Variants in KIF21B observed in about 807,000 individuals in gnomAD.
KIF21B encodes kinesin family member 21B.
KIF21B carries 85 observed loss-of-function variants against 192.9 expected under a neutral mutation model. The observed-to-expected ratio is 0.44, with a 90% CI of 0.37 to 0.53. The LOEUF (loss-of-function observed/expected upper bound fraction) is 0.53. Ranked by LOEUF, KIF21B falls within the 20% of genes least tolerant of loss-of-function variation. The probability of loss-of-function intolerance (pLI) is 0.00; values close to 1 mark genes in which losing one functional copy is unlikely to be tolerated. For synonymous variants in KIF21B, 832 were observed against 884.6 expected, an observed-to-expected ratio of 0.94 and a Z score of 1.05; for missense variants, 1,716 against 2,194.8, an observed-to-expected ratio of 0.78 and a Z score of 4.36.
rs1006440488 is a variant in KIF21B, at chr1:200,988,782, G to C, written c.3282C>G (p.Ile1094Met). ...TACCCGTACCCTGCTGCACATTGTA[G>C]ATGAGGGCCTGCAGCTCGGGGTGAG... ...AEAHPELQAL[I>M]YNVQQENGYA... Residue 1094 changes from isoleucine to methionine, a missense_variant, in exon 22 of 35, where the codon ATC becomes ATG. Ile to Met is a conservative substitution (Grantham distance 10). Transcript: ENST00000461742. 1 of 1,613,640 alleles carries C rather than the reference G, an allele frequency of 6.2e-7. No homozygotes were observed. The highest frequency in any genetic ancestry group is 8.5e-7 in the Non-Finnish European group (1 of 1,179,740).
At chr1:200,991,521 TG>T in intron 17 of KIF21B, 135 bp downstream of exon 17, 1 of 876,944 alleles carries the variant, frequency 1.1e-6, no homozygotes. Flanking sequence ...CTGCCGGCTC[TG>T]GCAGAACTGG....
chr1:200,998,335 G>A lies in KIF21B; in HGVS notation c.2077+49C>T, dbSNP rs765487522. 1 of 1,548,884 alleles carries A rather than the reference G, an allele frequency of 6.5e-7. No individual in the cohort carries two copies. Among genetic ancestry groups the A allele is most frequent in the South Asian group, 1.2e-5 (1 of 85,926 alleles). On this transcript the variant is annotated intron_variant, in intron 14 of 34. Coordinates refer to ENST00000461742, the MANE Select transcript of KIF21B (RefSeq NM_001252102.2). The surrounding 1 kb of genome is among the most constrained non-coding windows in gnomAD (Gnocchi z 4.3). ...TGCTTTTGACAGAGGAGGGGCTCAG[G>A]GAAAAGGGAGGGTCCGGATGGGGTG...
intron 3 of KIF21B, among the ~76,000 whole-genome samples, chr1:201,007,097 C>G (rs1309085884): frequency 2.1e-5 from 3 of 139,732 alleles, no homozygotes; most frequent in Admixed American, 7.0e-5. Flanking sequence ...CAGAGACAGA[C>G]ACACACAGAC....
In KIF21B at chr1:201,017,177, C is replaced by T. The variant is rs189524176; in HGVS notation, c.41+6166G>A. On this transcript the variant is annotated intron_variant, in intron 1 of 34. Coordinates refer to ENST00000461742, the MANE Select transcript of KIF21B (RefSeq NM_001252102.2). This position sits in a 1 kb window ranked among gnomAD's most constrained non-coding sequence, Gnocchi z 4.1. ...TCCTGTTGTCTATGGCCCTCCAGGG[C>T]ATCAGGATCTCAGCCGTGCAGAGGA... is the stretch of plus-strand genomic sequence containing the variant. 6.6e-6 allele frequency among the ~76,000 whole-genome samples: 1 copy of T among 152,282 alleles called. No individual in the cohort carries two copies. The highest frequency in any genetic ancestry group is 1.5e-5 in the Non-Finnish European group (1 of 68,004).
intron 8 of KIF21B, chr1:201,003,211 T>G (rs1657599720): frequency 3.1e-6 from 1 of 319,534 alleles, no homozygotes; most frequent in African/African-American, 2.1e-5. Context: ...GGCCCCTCTA[T>G]CAACGATTCT....
rs200885893 is a variant in KIF21B, at chr1:200,996,255, G to A, written c.2218C>T (p.Arg740Cys). ...EHARLLKNQSRYERELKKLQA... is the reference protein window; with the variant it reads ...EHARLLKNQSCYERELKKLQA... ...AGCTTCTTCAGCTCCCTCTCGTAGC[G>A]CGACTGGTTCTTAAGCAGCCGGGCG... Residue 740 changes from arginine (R) to cysteine (C), a missense_variant, in exon 15 of 35, where the codon CGC becomes TGC. By Grantham distance (180) the Arg-to-Cys change is radical (BLOSUM62 -3). Transcript: ENST00000461742. 104 of 1,613,838 alleles carry A rather than the reference G, an allele frequency of 6.4e-5. 1 individual carries two copies. The highest frequency in any genetic ancestry group is 8.9e-5 in the East Asian group (4 of 44,892).
rs2102494232 is a variant in KIF21B, at chr1:201,023,446, G to A, written c.-63C>T. ...CGGGGGTCTGGGGGCCAATGCCCGA[G>A]GCAGCGGCTGCGGCTGCGGGAGGCG... On this transcript the variant is annotated 5_prime_UTR_variant, in exon 1 of 35. Coordinates refer to ENST00000461742, the MANE Select transcript of KIF21B (RefSeq NM_001252102.2). The surrounding 1 kb of genome is among the most constrained non-coding windows in gnomAD (Gnocchi z 5.9). 2 of 1,242,382 alleles carry A rather than the reference G, an allele frequency of 1.6e-6. No individual in the cohort carries two copies. Among genetic ancestry groups the A allele is most frequent in the East Asian group, 3.2e-5 (1 of 31,438 alleles). The allele number at this position is 1,242,382 out of a possible 1,614,324, so 77.0% of individuals were successfully genotyped here.
intron 15 of KIF21B, among the ~76,000 whole-genome samples, chr1:200,995,559 A>C (rs1657003495): frequency 6.6e-6 from 1 of 152,248 alleles, no homozygotes; most frequent in Non-Finnish European, 1.5e-5. Flanking sequence ...GAGTGGTGGC[A>C]AAGTAGAAAA....
Position 200,998,497 on chromosome 1 carries a change from T to C in KIF21B, c.1964A>G (p.Asn655Ser). Residue 655 changes from asparagine to serine, a missense_variant, in exon 14 of 35, where the codon AAC (asparagine) becomes AGC (serine). Around this residue, in one of 3 missense-constraint regions of KIF21B, gnomAD observed 1,087 missense variants for 1,316.6 expected, o/e 0.83. Transcript: ENST00000461742. The surrounding 1 kb of genome is among the most constrained non-coding windows in gnomAD (Gnocchi z 4.3). ...GAGCGTCTGCAACCGCCGCTGGCTG[T>C]TCTCCAGCTCGTCGATCAGCTTCTG... ...IKQKLIDELE[N>S]SQRRLQTLKH... The C allele has an allele frequency of 2.5e-6, 4 of 1,614,074 alleles. No individual in the cohort carries two copies. Among genetic ancestry groups the C allele is most frequent in the Non-Finnish European group, 3.4e-6 (4 of 1,180,030 alleles).
intron 32 of KIF21B, 104 bp downstream of exon 32, chr1:200,976,672 C>A: frequency 1.5e-6 from 1 of 657,596 alleles, no homozygotes; most frequent in East Asian, 2.8e-5. Context: ...AGCAGACATC[C>A]CCAGAAGTCT....
At chr1:200,985,402 C>T (rs890889774) in intron 26 of KIF21B, among the ~76,000 whole-genome samples, 2 of 152,062 alleles carry the variant, frequency 1.3e-5, no homozygotes, top group Middle Eastern at 3.2e-3. Flanking sequence ...GTGGGAGGAT[C>T]GCTTGAGCCT....
chr1:201,007,589 GACACAGAGACAC>G (rs1176520685), intron 3 of KIF21B, among the ~76,000 whole-genome samples: 4 of 125,110 alleles, frequency 3.2e-5, no homozygotes, highest in South Asian at 2.6e-4. Flanking sequence ...CACACACATA[GACACAGAGACAC>G]ACACAGAGAT....
At position 200,972,746 on chromosome 1, in the gene KIF21B, G is replaced by A. The variant is rs1345865372; in HGVS notation, c.*775C>T. The A allele has an allele frequency of 6.6e-6, 1 of 152,664 alleles. No individual in the cohort carries two copies. Among genetic ancestry groups the A allele is most frequent in the Non-Finnish European group, 1.5e-5 (1 of 68,068 alleles). 9.5% of individuals were successfully genotyped at this position (152,664 alleles called of 1,614,324 possible). ...AAAGCAAACAGAGGAGGCGGCCCTG[G>A]AGGGCCGGGGCAGCGGACTCCCTTT... On this transcript the variant is annotated 3_prime_UTR_variant, in exon 35 of 35. Transcript: ENST00000461742.
At chr1:200,991,193 C>A (rs1309410611) in intron 17 of KIF21B, 44 bp from the exon 18 acceptor site, 4 of 1,529,452 alleles carry the variant, frequency 2.6e-6, no homozygotes, top group African/African-American at 1.4e-5. Flanking sequence ...AGCAGGGTGG[C>A]CTGGAGCCAC....
In KIF21B at chr1:201,002,141, C is replaced by G. The variant is rs1657531467; in HGVS notation, c.1402+20G>C. The G allele has an allele frequency of 6.2e-7, 1 of 1,611,604 alleles. No individual in the cohort carries two copies. Among genetic ancestry groups the G allele is most frequent in the African/African-American group, 1.3e-5 (1 of 75,034 alleles). ...CTAGCCCGTTGGTGCTCTGACCTGG[C>G]CTGGCACAGCCCAACTCACCGGCCT... On this transcript the variant is annotated intron_variant, in intron 9 of 34. Coordinates refer to ENST00000461742, the MANE Select transcript of KIF21B (RefSeq NM_001252102.2).
chr1:200,980,849 T>A (rs1655862190), intron 29 of KIF21B, 111 bp downstream of exon 29: 1 of 1,375,940 alleles, frequency 7.3e-7, no homozygotes, highest in African/African-American at 1.5e-5. Context: ...CCCCATATCC[T>A]CAACTCCTGG....
chr1:200,990,345 G>T lies in KIF21B; in HGVS notation c.2836-13C>A. ...GCTCCTCCCTTTTCTGGGGTCAGAG[G>T]GGAGGGTGGTGATTGTGATGAAGGA... On this transcript the variant is annotated splice_polypyrimidine_tract_variant and intron_variant, in intron 19 of 34. Transcript: ENST00000461742. The surrounding 1 kb of genome is among the most constrained non-coding windows in gnomAD (Gnocchi z 5.4). The T allele has an allele frequency of 6.3e-7, 1 of 1,594,706 alleles. No individual in the cohort carries two copies. The highest frequency in any genetic ancestry group is 2.3e-5 in the East Asian group (1 of 44,190).
chr1:200,998,354 T>C lies in KIF21B; in HGVS notation c.2077+30A>G, dbSNP rs1350155398. 1.3e-6 allele frequency: 2 copies of C among 1,572,242 alleles called. No homozygotes were observed. Among genetic ancestry groups the C allele is most frequent in the African/African-American group, 2.8e-5 (2 of 72,566 alleles). On this transcript the variant is annotated intron_variant, in intron 14 of 34. Coordinates refer to ENST00000461742, the MANE Select transcript of KIF21B (RefSeq NM_001252102.2). This position sits in a 1 kb window ranked among gnomAD's most constrained non-coding sequence, Gnocchi z 4.3. ...GCTCAGGGAAAAGGGAGGGTCCGGA[T>C]GGGGTGGAGGGGCATGGCGGTGGCC...
chr1:201,001,920 C>T (rs1014830586), intron 9 of KIF21B: 12 of 549,058 alleles, frequency 2.2e-5, no homozygotes, highest in Admixed American at 6.2e-5. Flanking sequence ...CAGGGAGAGG[C>T]GATTTTAATC....
Sources: allele counts gnomAD v4.1 joint callset (sites outside exome capture counted in the v4.1 genomes callset), GRCh38; gene constraint gnomAD v4.1.1; regional missense constraint gnomAD v4.1.1; non-coding constraint Gnocchi (gnomAD v3.1); transcripts MANE v1.5; gene names NCBI Gene and HGNC (gene_info 2026-07-23, HGNC 2026-07-21).